THNSL1: variants seen among roughly 807,000 people sequenced by gnomAD.
The protein encoded by THNSL1 is threonine synthase-like 1.
A neutral mutation model predicts 50.4 loss-of-function variants in THNSL1; 48 were observed. The ratio of observed to expected loss-of-function variants is 0.95; its 90% CI spans 0.76 to 1.21. The LOEUF (loss-of-function observed/expected upper bound fraction) is 1.21. Ranked by LOEUF, THNSL1 falls within the 50% of genes most tolerant of loss-of-function variation. The probability of loss-of-function intolerance (pLI) is 0.00; values close to 1 mark genes in which losing one functional copy is unlikely to be tolerated. For missense variants in THNSL1, 896 were observed against 871.7 expected, an observed-to-expected ratio of 1.03 and a Z score of -0.35; for synonymous variants, 309 against 306.1, an observed-to-expected ratio of 1.01 and a Z score of -0.10.
In THNSL1 at chr10:25,024,407, A is replaced by G; in HGVS notation, c.1184A>G (p.Lys395Arg). ...TTAAATGGTTTTAGTCGTCTAAATA[A>G]GAATGATAAGCAAAGGATAGCTGTG... Reference protein sequence around the residue: ...AVLNGFSRLNKNDKQRIAVVA... With the variant: ...AVLNGFSRLNRNDKQRIAVVA... The change falls in exon 3 of 3, where the codon AAG (lysine) becomes AGG (arginine). Residue 395 changes from lysine (K) to arginine (R), a missense_variant. Transcript: ENST00000376356. 1 of 1,613,966 alleles carries G rather than the reference A, an allele frequency of 6.2e-7. No individual in the cohort carries two copies. The highest frequency in any genetic ancestry group is 8.5e-7 in the Non-Finnish European group (1 of 1,180,018).
chr10:24,965,053 C>T, the THNSL1 span, among the ~76,000 whole-genome samples: 1 of 148,626 alleles, frequency 6.7e-6, no homozygotes, highest in Non-Finnish European at 1.5e-5. Context: ...AGAGCGAAAT[C>T]CTATCTCAAA....
intron 1 of THNSL1, among the ~76,000 whole-genome samples, chr10:25,021,330 A>G (rs970175520): frequency 2.0e-5 from 3 of 152,218 alleles, no homozygotes; most frequent in Non-Finnish European, 4.4e-5. Flanking sequence ...ATTATTACAT[A>G]TGAATATATA....
At chr10:24,964,238 C>A in the THNSL1 span, among the ~76,000 whole-genome samples, 2 of 152,166 alleles carry the variant, frequency 1.3e-5, no homozygotes, top group Non-Finnish European at 2.9e-5. Flanking sequence ...ACATCACTGC[C>A]CTAGAGTAAC....
At chr10:24,998,266 C>T in the THNSL1 span, among the ~76,000 whole-genome samples, 10 of 152,010 alleles carry the variant, frequency 6.6e-5, no homozygotes, top group African/African-American at 2.2e-4. Context: ...GAGACAGACT[C>T]GTTTCTTTTT....
chr10:25,015,529 ATTTT>A (rs936950096), upstream of THNSL1, among the ~76,000 whole-genome samples: 2 of 152,156 alleles, frequency 1.3e-5, no homozygotes, highest in African/African-American at 4.8e-5. Flanking sequence ...TAGAATTGTG[ATTTT>A]TTTCTTTTCA....
At chr10:25,000,871 G>T in the THNSL1 span, among the ~76,000 whole-genome samples, 4 of 151,688 alleles carry the variant, frequency 2.6e-5, no homozygotes, top group Admixed American at 2.6e-4. Context: ...TGTTTTGTTT[G>T]GTTTGGTTTT....
At chr10:24,966,680 C>G in the THNSL1 span, among the ~76,000 whole-genome samples, 1 of 152,164 alleles carries the variant, frequency 6.6e-6, no homozygotes, top group Non-Finnish European at 1.5e-5. Context: ...TTTTAGGCAT[C>G]TGAGTATATT....
chr10:24,970,694 C>G, the THNSL1 span, among the ~76,000 whole-genome samples: 18 of 150,506 alleles, frequency 1.2e-4, no homozygotes, highest in African/African-American at 4.4e-4. Context: ...GCCTGGGTGA[C>G]AGCATGAGAT....
chr10:24,985,059 G>C, the THNSL1 span, among the ~76,000 whole-genome samples: 1 of 151,936 alleles, frequency 6.6e-6, no homozygotes, highest in Non-Finnish European at 1.5e-5. Context: ...ACTTGGCCAC[G>C]GTAACCAAAA....
the THNSL1 span, among the ~76,000 whole-genome samples, chr10:24,994,370 G>T: frequency 7.4e-6 from 1 of 135,824 alleles, no homozygotes; most frequent in African/African-American, 2.8e-5. Context: ...GTCTCGCTCT[G>T]TCACCCAGGC....
upstream of THNSL1, among the ~76,000 whole-genome samples, chr10:25,015,609 T>C (rs1850549409): frequency 3.3e-5 from 5 of 152,174 alleles, no homozygotes. Context: ...ACATACCGTA[T>C]TAATAAGAGG....
At chr10:25,014,476 T>G (rs1446765346), upstream of THNSL1, among the ~76,000 whole-genome samples, 2 of 152,080 alleles carry the variant, frequency 1.3e-5, no homozygotes, top group Admixed American at 1.3e-4. Flanking sequence ...GGGGCTCCAT[T>G]AATGCTTGCC....
At chr10:24,986,232 T>G in the THNSL1 span, among the ~76,000 whole-genome samples, 1 of 152,186 alleles carries the variant, frequency 6.6e-6, no homozygotes, top group African/African-American at 2.4e-5. Flanking sequence ...TTGTAGAAAC[T>G]TTCAGGGACA....
chr10:25,016,258 G>C (rs1035318225), upstream of THNSL1: 1 of 901,808 alleles, frequency 1.1e-6, no homozygotes, highest in Non-Finnish European at 1.4e-6. Context: ...CCTTCTGCTA[G>C]AGAAGCTCAT....
the THNSL1 span, among the ~76,000 whole-genome samples, chr10:25,007,368 G>C: frequency 6.6e-6 from 1 of 152,170 alleles, no homozygotes. Flanking sequence ...TGAAATGCCA[G>C]AGAGGTGTGC....
At position 25,025,742 on chromosome 10, in the gene THNSL1, T is replaced by C. The variant is rs1564351419; in HGVS notation, c.*287T>C. 2.8e-5 allele frequency: 9 copies of C among 317,618 alleles called. No homozygotes were observed. Among genetic ancestry groups the C allele is most frequent in the Non-Finnish European group, 5.5e-5 (9 of 163,902 alleles). The allele number at this position is 317,618 out of a possible 1,614,324, so 19.7% of individuals were successfully genotyped here. ...AATTTCCACTCCCACACCCTCACTG[T>C]TATGTGGACCAAAATGTCTGGTATA... On this transcript the variant is annotated 3_prime_UTR_variant, in exon 3 of 3. Transcript: ENST00000376356.
rs971235277 is a variant in THNSL1, at chr10:25,016,621, A to C, written c.-287A>C. Reference sequence around the variant, plus strand: ...CCGCTCGGGGAAGGGCGTGGAGCGGAGGCACGCTGGCCGCCGCAGGCACAG... The same window carrying C: ...CCGCTCGGGGAAGGGCGTGGAGCGGCGGCACGCTGGCCGCCGCAGGCACAG... On this transcript the variant is annotated 5_prime_UTR_variant, in exon 1 of 3. Transcript: ENST00000376356. 2 of 152,376 alleles carry C rather than the reference A, an allele frequency of 1.3e-5. No individual in the cohort carries two copies. Among genetic ancestry groups the C allele is most frequent in the African/African-American group, 4.8e-5 (2 of 41,450 alleles). The allele number at this position is 152,376 out of a possible 1,614,324, so 9.4% of individuals were successfully genotyped here.
chr10:25,003,108 C>T, the THNSL1 span, among the ~76,000 whole-genome samples: 1 of 151,944 alleles, frequency 6.6e-6, no homozygotes, highest in African/African-American at 2.4e-5. Flanking sequence ...ATCTATGTCT[C>T]CTCCATCTCT....
At chr10:25,011,129 T>C in the THNSL1 span, among the ~76,000 whole-genome samples, 68 of 152,036 alleles carry the variant, frequency 4.5e-4, no homozygotes, top group Non-Finnish European at 8.1e-4. Context: ...TTTTTAATGA[T>C]TGCCATTCTA....
Sources: gnomAD v4.1 joint callset for allele counts (sites outside exome capture counted in the v4.1 genomes callset) on GRCh38, gnomAD v4.1.1 for gene constraint, MANE v1.5 for transcripts, NCBI Gene and HGNC (gene_info 2026-07-23, HGNC 2026-07-21) for gene names.